Variants in SCD5 observed in about 807,000 individuals in gnomAD.
SCD5 encodes the protein stearoyl-CoA desaturase 5, also known as acyl-CoA-desaturase 4.
SCD5 carries 20 observed loss-of-function variants against 30.4 expected under a neutral mutation model. The observed-to-expected ratio is 0.66, with a 90% CI of 0.46 to 0.96. SCD5 has a LOEUF of 0.96. Ranked by LOEUF, SCD5 falls within the 40% of genes least tolerant of loss-of-function variation. The probability of loss-of-function intolerance (pLI) is 0.00; values close to 1 mark genes in which losing one functional copy is unlikely to be tolerated. For synonymous variants in SCD5, 173 were observed against 176.4 expected (o/e 0.98, Z 0.16); for missense variants, 381 against 443.3 (o/e 0.86, Z 1.26).
chr4:82,650,178 G>A (rs1019808625), intron 3 of SCD5, among the ~76,000 whole-genome samples: 1 of 152,172 alleles, frequency 6.6e-6, no homozygotes. Context: ...GGGTTGTTAG[G>A]TAGTTCAACT....
At chr4:82,731,622 G>A (rs980019896) in intron 1 of SCD5, among the ~76,000 whole-genome samples, 4 of 152,174 alleles carry the variant, frequency 2.6e-5, no homozygotes, top group Admixed American at 6.5e-5. Flanking sequence ...CCCTTATTTC[G>A]CAGAGTATCT....
intron 2 of SCD5, among the ~76,000 whole-genome samples, chr4:82,699,754 C>T (rs141141959): frequency 0.012 from 1,802 of 151,752 alleles, 37 homozygotes; most frequent in African/African-American, 0.041. Flanking sequence ...CTCCACGTCC[C>T]AGGTTCAAGC....
In SCD5 at chr4:82,748,398, C is replaced by T. The variant is rs536637752; in HGVS notation, c.233-42985G>A. On this transcript the variant is annotated intron_variant, in intron 1 of 4. Transcript: ENST00000319540. ...TATTTCTACCCAGTGTTTCTTTGGA[C>T]CAGCTGGATGAGGACGTCACATTCA... Among the ~76,000 whole-genome samples, 352 of 152,192 alleles carry T rather than the reference C, an allele frequency of 2.3e-3. 1 individual carries two copies. Among genetic ancestry groups the T allele is most frequent in the African/African-American group, 8.2e-3 (340 of 41,522 alleles).
intron 2 of SCD5, among the ~76,000 whole-genome samples, chr4:82,691,493 A>G (rs1728835710): frequency 6.6e-6 from 1 of 152,184 alleles, no homozygotes. Context: ...GCCTGGTATG[A>G]GATGAGGTCT....
intron 3 of SCD5, among the ~76,000 whole-genome samples, chr4:82,677,205 T>C (rs56162849): frequency 0.012 from 1,773 of 152,272 alleles, 36 homozygotes; most frequent in African/African-American, 0.041. Flanking sequence ...TGCACAAACA[T>C]TGCACCCTGG....
intron 1 of SCD5, among the ~76,000 whole-genome samples, chr4:82,778,838 A>C (rs1233025117): frequency 4.6e-5 from 7 of 151,938 alleles, no homozygotes; most frequent in Non-Finnish European, 1.0e-4. Context: ...TTAAGCTCAC[A>C]GGTGGAATTA....
intron 1 of SCD5, among the ~76,000 whole-genome samples, chr4:82,771,251 G>A (rs1042705108): frequency 6.6e-6 from 1 of 152,118 alleles, no homozygotes; most frequent in African/African-American, 2.4e-5. Context: ...TTACAGGCAC[G>A]AGCCAATGAG....
Position 82,680,791 on chromosome 4 carries a change from C to A in SCD5, c.485G>T (p.Arg162Leu). The change falls in exon 3 of 5, where the codon CGC becomes CTC. Residue 162 changes from arginine to leucine, a missense_variant. Physicochemically the swap from Arg to Leu is moderately radical, Grantham distance 102 (BLOSUM62 -2). Transcript: ENST00000319540. ...CTTCTCAATAACATCTCGATGCTTG[C>A]GAACAAACAGCCACCCAATATGGGA... ...FFSHIGWLFV[R>L]KHRDVIEKGR... 1 of 1,613,870 alleles carries A rather than the reference C, an allele frequency of 6.2e-7. No individual in the cohort carries two copies. The highest frequency in any genetic ancestry group is 8.5e-7 in the Non-Finnish European group (1 of 1,179,980).
At chr4:82,772,333 T>C (rs1721642662) in intron 1 of SCD5, among the ~76,000 whole-genome samples, 1 of 152,224 alleles carries the variant, frequency 6.6e-6, no homozygotes, top group Non-Finnish European at 1.5e-5. Flanking sequence ...CCAACATGTC[T>C]TCAGTTACAG....
At chr4:82,743,899 C>T (rs568130230) in intron 1 of SCD5, among the ~76,000 whole-genome samples, 33 of 152,102 alleles carry the variant, frequency 2.2e-4, no homozygotes, top group South Asian at 1.5e-3. Flanking sequence ...GGCACAATCT[C>T]GGCTCACTGC....
chr4:82,711,566 C>T (rs781509684), intron 1 of SCD5, among the ~76,000 whole-genome samples: 10 of 152,118 alleles, frequency 6.6e-5, no homozygotes, highest in East Asian at 1.9e-4. Context: ...GTTAGCCAAG[C>T]GTGGTAGCAC....
At chr4:82,705,744 A>ACT (rs1719955462) in intron 1 of SCD5, among the ~76,000 whole-genome samples, 1 of 151,850 alleles carries the variant, frequency 6.6e-6, no homozygotes. Context: ...TCACACATAC[A>ACT]CTCTCGGCAG....
At chr4:82,658,025 A>G (rs1381663171) in intron 3 of SCD5, among the ~76,000 whole-genome samples, 1 of 152,206 alleles carries the variant, frequency 6.6e-6, no homozygotes, top group African/African-American at 2.4e-5. Flanking sequence ...TAAATATACA[A>G]TCATGTCATC....
At chr4:82,712,785 C>G (rs1302391374) in intron 1 of SCD5, among the ~76,000 whole-genome samples, 1 of 152,156 alleles carries the variant, frequency 6.6e-6, no homozygotes, top group Non-Finnish European at 1.5e-5. Context: ...AGTGACAGGG[C>G]AAGGACCTCT....
intron 3 of SCD5, among the ~76,000 whole-genome samples, chr4:82,670,642 C>CATATCAATTGATATGGCAA (rs1560529603): frequency 6.8e-6 from 1 of 147,742 alleles, no homozygotes; most frequent in Non-Finnish European, 1.5e-5. Context: ...ATATCAATTC[C>CATATCAATTGATATGGCAA]ATATCAATTC....
chr4:82,742,578 G>A (rs1215369854), intron 1 of SCD5, among the ~76,000 whole-genome samples: 1 of 152,230 alleles, frequency 6.6e-6, no homozygotes, highest in Non-Finnish European at 1.5e-5. Context: ...CTTGAGGCCA[G>A]GAGTTCAAGA....
chr4:82,795,645 C>G (rs2148855566), intron 1 of SCD5, among the ~76,000 whole-genome samples: 1 of 151,634 alleles, frequency 6.6e-6, no homozygotes, highest in South Asian at 2.1e-4. Context: ...GGTGAGACCC[C>G]CATCTCTACA....
At chr4:82,788,008 G>A (rs946034864) in intron 1 of SCD5, among the ~76,000 whole-genome samples, 1 of 152,162 alleles carries the variant, frequency 6.6e-6, no homozygotes, top group Non-Finnish European at 1.5e-5. Context: ...CTGTACTCCA[G>A]CCTAGGAGAC....
intron 3 of SCD5, among the ~76,000 whole-genome samples, chr4:82,671,873 T>A (rs1167464605): frequency 6.6e-6 from 1 of 152,096 alleles, no homozygotes; most frequent in Non-Finnish European, 1.5e-5. Flanking sequence ...AGAGCGAGAC[T>A]CTGTCTCAAA....
Sources: allele counts gnomAD v4.1 joint callset (sites outside exome capture counted in the v4.1 genomes callset), GRCh38; gene constraint gnomAD v4.1.1; transcripts MANE v1.5; gene names NCBI Gene and HGNC (gene_info 2026-07-23, HGNC 2026-07-21).